Variants in MBP observed in about 807,000 individuals in gnomAD.
MBP encodes myelin basic protein.
Under a neutral mutation model 35.8 loss-of-function variants are expected in MBP, and 16 were observed. That is an observed-to-expected ratio of 0.45 (90% CI 0.30 to 0.68). The LOEUF is 0.68. MBP is among the 30% of genes least tolerant of loss of function. The pLI is 0.08. For synonymous variants in MBP, 143 were observed against 159.6 expected (o/e 0.90, Z 0.78); for missense variants, 380 against 404.7 (o/e 0.94, Z 0.52).
chr18:77,076,245 G>T (rs1190446057), intron 2 of MBP, among the ~76,000 whole-genome samples: 1 of 152,222 alleles, frequency 6.6e-6, no homozygotes, highest in Non-Finnish European at 1.5e-5. Context: ...TAACACAGTG[G>T]GGTGGGTTTG....
intron 2 of MBP, among the ~76,000 whole-genome samples, chr18:77,089,854 C>T (rs1305744370): frequency 6.6e-6 from 1 of 152,212 alleles, no homozygotes; most frequent in Non-Finnish European, 1.5e-5. Flanking sequence ...TCTCTTCTTG[C>T]CCTAGCTCCT....
At chr18:77,037,666 C>T (rs1465999208) in intron 3 of MBP, among the ~76,000 whole-genome samples, 4 of 152,214 alleles carry the variant, frequency 2.6e-5, no homozygotes, top group Admixed American at 6.5e-5. Flanking sequence ...TACCAGCCTT[C>T]GCCTTTTCTC....
intron 3 of MBP, among the ~76,000 whole-genome samples, chr18:77,018,190 T>C (rs1971751936): frequency 6.7e-6 from 1 of 150,234 alleles, no homozygotes; most frequent in Non-Finnish European, 1.5e-5. Context: ...CACACCCACC[T>C]ACCCATCCAT....
At position 77,094,253 on chromosome 18, in the gene MBP, C is replaced by T. The variant is rs543995609; in HGVS notation, c.51+10958G>A. On this transcript the variant is annotated intron_variant, in intron 2 of 8. Coordinates refer to ENST00000355994, the MANE Select transcript of MBP (RefSeq NM_001025101.2). The stretch of plus-strand genomic sequence containing the variant: ...CCTCCCAAAGTGCTGGGATTACAGG[C>T]GTGAGCCACTGAGCCCAGCCTAAAG... Among the ~76,000 whole-genome samples, 310 of 152,330 alleles carry T rather than the reference C, an allele frequency of 2.0e-3. 1 individual carries two copies. Among genetic ancestry groups the T allele is most frequent in the African/African-American group, 7.2e-3 (298 of 41,580 alleles).
At chr18:77,072,742 G>A (rs1265871104) in intron 2 of MBP, among the ~76,000 whole-genome samples, 1 of 152,332 alleles carries the variant, frequency 6.6e-6, no homozygotes, top group East Asian at 1.9e-4. Flanking sequence ...GAAACAGTGG[G>A]ATGTAGTGCC....
intron 4 of MBP, among the ~76,000 whole-genome samples, chr18:76,998,656 G>C (rs1970461803): frequency 6.6e-6 from 1 of 152,180 alleles, no homozygotes; most frequent in Non-Finnish European, 1.5e-5. Context: ...GGACATTGCT[G>C]CTCTTTTGAA....
At chr18:77,116,620 G>A (rs906585159) in intron 1 of MBP, among the ~76,000 whole-genome samples, 1 of 152,184 alleles carries the variant, frequency 6.6e-6, no homozygotes, top group African/African-American at 2.4e-5. Flanking sequence ...CTTTACAGAC[G>A]TTGAAACTCA....
At chr18:77,046,413 C>T (rs1455857720) in intron 3 of MBP, among the ~76,000 whole-genome samples, 1 of 152,250 alleles carries the variant, frequency 6.6e-6, no homozygotes, top group Non-Finnish European at 1.5e-5. Context: ...GAAGGGAAAT[C>T]CACTGGCATG....
At chr18:77,084,099 C>CAT (rs1456896271) in intron 2 of MBP, among the ~76,000 whole-genome samples, 3 of 151,864 alleles carry the variant, frequency 2.0e-5, no homozygotes, top group African/African-American at 4.8e-5. Context: ...TTTGGAACCA[C>CAT]ATGTTGGAGG....
rs781748075 is a variant in MBP, at chr18:77,017,167, G to T, written c.241C>A (p.His81Asn). ...GGGCGGCTCCCTGGGTCAGCTGGGT[G>T]GGCATCCTGCCAGGCATTCTTCGGG... ...ADPKNAWQDA[H>N]PADPGSRPHL... is the part of the protein sequence containing the mutation. The change falls in exon 4 of 9, where the codon CAC becomes AAC. Residue 81 changes from histidine to asparagine, a missense_variant. Transcript: ENST00000355994. The T allele has an allele frequency of 8.4e-6, 13 of 1,548,836 alleles. No individual in the cohort carries two copies. The South Asian group carries it at 1.4e-4, about 16-fold the overall frequency.
rs57618192 is a variant in MBP, at chr18:77,091,587, C to CCA, written c.51+13622_51+13623dup. Reference sequence around the variant, plus strand: ...GATGACGTCTGCAGGGCAAGAGAAACCACACACACACACACACACACACCC... The same window carrying CCA: ...GATGACGTCTGCAGGGCAAGAGAAACCACACACACACACACACACACACACCC... On this transcript the variant is annotated intron_variant, in intron 2 of 8. Coordinates refer to ENST00000355994, the MANE Select transcript of MBP (RefSeq NM_001025101.2). Among the ~76,000 whole-genome samples, 501 of 148,106 alleles carry CCA rather than the reference C, an allele frequency of 3.4e-3. 1 individual carries two copies. The highest frequency in any genetic ancestry group is 0.014 in the East Asian group (68 of 4,928).
At chr18:77,015,921 C>T in intron 4 of MBP, 1 of 985,420 alleles carries the variant, frequency 1.0e-6, no homozygotes, top group Non-Finnish European at 1.2e-6. Context: ...AGAAAAACAG[C>T]TTCATCTTAC....
intron 3 of MBP, among the ~76,000 whole-genome samples, chr18:77,063,356 C>A (rs1216452854): frequency 6.6e-6 from 1 of 152,256 alleles, no homozygotes; most frequent in East Asian, 1.9e-4. Flanking sequence ...ATTGTTGCTG[C>A]TAAATAATGC....
intron 2 of MBP, among the ~76,000 whole-genome samples, chr18:77,091,566 A>G (rs1674722): frequency 0.99 from 151,050 of 152,078 alleles, 75,021 homozygotes; most frequent in Middle Eastern, 1. Context: ...GCCACGGATG[A>G]CGTCTGCAGG....
chr18:77,111,675 G>A (rs750690743), intron 1 of MBP, among the ~76,000 whole-genome samples: 11 of 152,320 alleles, frequency 7.2e-5, no homozygotes, highest in East Asian at 3.9e-4. Flanking sequence ...CTCCTCAGCC[G>A]TTGGTAACTG....
At chr18:77,009,847 A>G (rs760807956) in intron 4 of MBP, 26 of 1,582,422 alleles carry the variant, frequency 1.6e-5, no homozygotes, top group Non-Finnish European at 1.9e-5. Flanking sequence ...CCGGCGTCTT[A>G]CCTTGTACAT....
rs1483316595 is a variant in MBP at position 76,989,184 on chromosome 18, A to G, written c.682-272T>C. ...GGCTCCGTAGCTGGGGAATGGGCCCATCTTGGGACACTGAGGGAGGCGGCG... is the reference window on the plus strand; with the variant it reads ...GGCTCCGTAGCTGGGGAATGGGCCCGTCTTGGGACACTGAGGGAGGCGGCG... On this transcript the variant is annotated intron_variant, in intron 5 of 8. Transcript: ENST00000355994. The surrounding 1 kb of genome is among the most constrained non-coding windows in gnomAD (Gnocchi z 4.0). 7 of 637,586 alleles carry G rather than the reference A, an allele frequency of 1.1e-5. No homozygotes were observed. The highest frequency in any genetic ancestry group is 2.0e-5 in the Non-Finnish European group (7 of 345,462). The allele number at this position is 637,586 out of a possible 1,614,324, so 39.5% of individuals were successfully genotyped here.
intron 1 of MBP, among the ~76,000 whole-genome samples, chr18:77,126,675 G>A (rs755163653): frequency 6.6e-6 from 1 of 152,114 alleles, no homozygotes; most frequent in Non-Finnish European, 1.5e-5. Flanking sequence ...GATCTAATAA[G>A]GCAGCTCAGT....
chr18:77,096,036 C>T (rs1274328104), intron 2 of MBP, among the ~76,000 whole-genome samples: 1 of 152,166 alleles, frequency 6.6e-6, no homozygotes, highest in Non-Finnish European at 1.5e-5. Flanking sequence ...GAACAGAACT[C>T]ACTAAAGATG....
Sources: gnomAD v4.1 joint callset for allele counts (sites outside exome capture counted in the v4.1 genomes callset) on GRCh38, gnomAD v4.1.1 for gene constraint, Gnocchi (gnomAD v3.1) non-coding constraint, MANE v1.5 for transcripts, NCBI Gene and HGNC (gene_info 2026-07-23, HGNC 2026-07-21) for gene names.